Variants in CEP95 observed in about 807,000 individuals in gnomAD.
CEP95 encodes centrosomal protein of 95 kDa.
Under a neutral mutation model 111.2 loss-of-function variants are expected in CEP95, and 98 were observed. The observed-to-expected ratio is 0.88, with a 90% CI of 0.75 to 1.04. The LOEUF (loss-of-function observed/expected upper bound fraction) is 1.04. Among genes scored for constraint, CEP95 ranks in the 50% least tolerant of loss-of-function variants. The pLI is 0.00. For synonymous variants in CEP95, 323 were observed against 327.1 expected (o/e 0.99, Z 0.14); for missense variants, 1,027 against 977.2 (o/e 1.05, Z -0.68).
Position 64,529,351 on chromosome 17 carries a change from A to G in CEP95, c.1370A>G (p.Lys457Arg), listed in dbSNP as rs1968098080. The stretch of plus-strand genomic sequence containing the variant: ...TCGCTCTCTCCATCTCCAGTTAACA[A>G]ACACAAACAGTTCCACTTGGAGAGA... ...SHSLSPSPVNKHKQFHLERKR... is the reference protein window; with the variant it reads ...SHSLSPSPVNRHKQFHLERKR... Residue 457 changes from lysine (K) to arginine (R), a missense_variant, in exon 12 of 20, where the codon AAA becomes AGA. Coordinates refer to ENST00000556440, the MANE Select transcript of CEP95 (RefSeq NM_138363.3). 1.2e-6 allele frequency: 2 copies of G among 1,613,760 alleles called. No individual in the cohort carries two copies. Among genetic ancestry groups the G allele is most frequent in the South Asian group, 2.2e-5 (2 of 91,066 alleles).
intron 2 of CEP95, 71 bp downstream of exon 2, chr17:64,508,791 T>G (rs889075771): frequency 6.8e-5 from 43 of 633,464 alleles, no homozygotes; most frequent in Non-Finnish European, 9.4e-5. Flanking sequence ...TTTAGTTAGA[T>G]TCTTTGATAT....
intron 3 of CEP95, among the ~76,000 whole-genome samples, chr17:64,510,664 C>T (rs1207932920): frequency 1.3e-5 from 2 of 152,190 alleles, no homozygotes; most frequent in Admixed American, 6.5e-5. Flanking sequence ...ATCCTCTCAC[C>T]TCAGCCTCCC....
At chr17:64,524,456 G>A (rs1391942912) in intron 8 of CEP95, among the ~76,000 whole-genome samples, 1 of 151,978 alleles carries the variant, frequency 6.6e-6, no homozygotes, top group East Asian at 2.0e-4. Context: ...ACAGGCACAC[G>A]TGCCACCACA....
chr17:64,510,215 A>C lies in CEP95; in HGVS notation c.191A>C (p.Asn64Thr). Residue 64 changes from asparagine (N) to threonine (T), a missense_variant, in exon 3 of 20, where the codon AAT becomes ACT. By Grantham distance (65) the Asn-to-Thr change is moderately conservative (BLOSUM62 0). Transcript: ENST00000556440. ...IPRSQEDDAH[N>T]VQAVIDSLAL... is the part of the protein sequence containing the mutation. ...AGGAGTCAAGAAGATGATGCACACA[A>C]TGTACAAGCAGTAATTGATTCACTG... 6.2e-7 allele frequency: 1 copy of C among 1,611,982 alleles called. No homozygotes were observed. The highest frequency in any genetic ancestry group is 8.5e-7 in the Non-Finnish European group (1 of 1,178,822).
At position 64,537,709 on chromosome 17, in the gene CEP95, T is replaced by C; in HGVS notation, c.2396T>C (p.Leu799Pro). 2 of 1,613,026 alleles carry C rather than the reference T, an allele frequency of 1.2e-6. No homozygotes were observed. Among genetic ancestry groups the C allele is most frequent in the South Asian group, 1.1e-5 (1 of 90,816 alleles). The change falls in exon 20 of 20, where the codon CTG becomes CCG. Residue 799 changes from leucine (L) to proline (P), a missense_variant. Physicochemically the swap from Leu to Pro is moderately conservative, Grantham distance 98. Transcript: ENST00000556440. Reference protein sequence around the residue: ...QNDDDVFFRELEAERFRSRLQ... With the variant: ...QNDDDVFFREPEAERFRSRLQ... ...GATGATGATGTTTTCTTCCGGGAAC[T>C]GGAAGCTGAGCGCTTCAGATCTCGG...
Position 64,508,606 on chromosome 17 carries a change from G to A in CEP95, c.34G>A (p.Ala12Thr), listed in dbSNP as rs1555673707. Residue 12 changes from alanine to threonine, a missense_variant, in exon 2 of 20, where the codon GCC (alanine) becomes ACC (threonine). Ala to Thr is a moderately conservative substitution (Grantham distance 58). Coordinates refer to ENST00000556440, the MANE Select transcript of CEP95 (RefSeq NM_138363.3). ...AGSDAEWVTI[A>T]NNLLFKCHIH... The stretch of plus-strand genomic sequence containing the variant: ...TTTCCCAACAGAGTGGGTAACCATT[G>A]CCAATAACCTTCTTTTTAAGTGTCA... 1.4e-6 allele frequency: 2 copies of A among 1,413,604 alleles called. No individual in the cohort carries two copies. The highest frequency in any genetic ancestry group is 2.5e-5 in the Admixed American group (1 of 39,774). The allele number at this position is 1,413,604 out of a possible 1,614,324, so 87.6% of individuals were successfully genotyped here.
At position 64,525,323 on chromosome 17, in the gene CEP95, C is replaced by CA. The variant is rs539696041; in HGVS notation, c.910-437dup. 9.0e-3 allele frequency among the ~76,000 whole-genome samples: 1,296 copies of CA among 143,640 alleles called. 11 individuals carry two copies. Among genetic ancestry groups the CA allele is most frequent in the Middle Eastern group, 0.014 (4 of 284 alleles). 94.2% of individuals were successfully genotyped at this position (143,640 alleles called of 152,430 possible). On this transcript the variant is annotated intron_variant, in intron 8 of 19. Coordinates refer to ENST00000556440, the MANE Select transcript of CEP95 (RefSeq NM_138363.3). ...CCTAGGCAACAGAGGAAAACTGTCT[C>CA]AAAAAAAAAAGGAAATTTAAAATGT...
chr17:64,534,492 G>A (rs1968510141), intron 16 of CEP95, 93 bp from the exon 17 acceptor site: 3 of 1,170,022 alleles, frequency 2.6e-6, no homozygotes, highest in Non-Finnish European at 3.7e-6. Flanking sequence ...ACTGCCTGAA[G>A]ACATCGTGAT....
At chr17:64,508,234 G>C in intron 1 of CEP95, 2 of 985,210 alleles carry the variant, frequency 2.0e-6, no homozygotes, top group Non-Finnish European at 1.2e-6. Flanking sequence ...TCATTAAACT[G>C]TTGTTTATGA....
At chr17:64,511,113 A>C (rs1227119200) in intron 3 of CEP95, among the ~76,000 whole-genome samples, 4 of 152,174 alleles carry the variant, frequency 2.6e-5, no homozygotes, top group Non-Finnish European at 1.5e-5. Context: ...AGGTAATAGA[A>C]TATCACAAGG....
In CEP95 at chr17:64,526,217, C is replaced by A; in HGVS notation, c.1152+17C>A. On this transcript the variant is annotated intron_variant, in intron 10 of 19. Coordinates refer to ENST00000556440, the MANE Select transcript of CEP95 (RefSeq NM_138363.3). ...CTAGATTGGGCAAGTCTTGTTTTTT[C>A]ATCTATATTGAGATTCCCATGGGTT... The A allele has an allele frequency of 6.2e-7, 1 of 1,602,112 alleles. No homozygotes were observed. Among genetic ancestry groups the A allele is most frequent in the South Asian group, 1.1e-5 (1 of 88,334 alleles).
At chr17:64,519,276 C>A in intron 5 of CEP95, 45 bp from the exon 6 acceptor site, 1 of 1,351,112 alleles carries the variant, frequency 7.4e-7, no homozygotes, top group Non-Finnish European at 1.1e-6. Context: ...GGGGAAGGGC[C>A]CTCTGGTCAG....
intron 19 of CEP95, 78 bp from the exon 20 acceptor site, chr17:64,537,525 G>A: frequency 1.4e-6 from 2 of 1,463,394 alleles, no homozygotes; most frequent in Non-Finnish European, 1.8e-6. Flanking sequence ...TTGATTAGCT[G>A]GAAGATGGAG....
Position 64,507,032 on chromosome 17 carries a change from G to C in CEP95, c.-66G>C, listed in dbSNP as rs1555673112. 38 of 1,542,534 alleles carry C rather than the reference G, an allele frequency of 2.5e-5. No homozygotes were observed. The highest frequency in any genetic ancestry group is 1.2e-5 in the South Asian group (1 of 83,864). On this transcript the variant is annotated 5_prime_UTR_variant, in exon 1 of 20. Transcript: ENST00000556440. ...CCCCAGTGTCGGGTCTGCGTGGATC[G>C]GTCCTTCCAGGACACCGTCGCCTTC...
rs1331220177 is a variant in CEP95 at position 64,531,998 on chromosome 17, C to G, written c.1648C>G (p.Pro550Ala). 21 of 1,590,536 alleles carry G rather than the reference C, an allele frequency of 1.3e-5. No individual in the cohort carries two copies. Among genetic ancestry groups the G allele is most frequent in the Non-Finnish European group, 1.4e-5 (17 of 1,173,590 alleles). ...AACGCAGAGTCTAAGAGGTGGCCTC[C>G]CAAAGCCAAATAAAGCAGTTCCAAG... ...TTTQSLRGGL[P>A]KPNKAVPMKV... Residue 550 changes from proline (P) to alanine (A), a missense_variant, in exon 14 of 20, where the codon CCA becomes GCA. Pro to Ala is a conservative substitution (Grantham distance 27). Transcript: ENST00000556440.
At chr17:64,527,933 A>G (rs550485743) in intron 11 of CEP95, among the ~76,000 whole-genome samples, 6 of 149,774 alleles carry the variant, frequency 4.0e-5, no homozygotes, top group Non-Finnish European at 8.9e-5. Flanking sequence ...TATTTCCCCT[A>G]TTGCTGGACA....
At chr17:64,526,324 T>A (rs1184166630) in intron 10 of CEP95, 124 bp downstream of exon 10, 9 of 951,754 alleles carry the variant, frequency 9.5e-6, no homozygotes, top group Non-Finnish European at 1.4e-5. Context: ...ACTGTGAAAA[T>A]GTTCCGTAAG....
chr17:64,531,607 G>A (rs2144526302), intron 13 of CEP95, among the ~76,000 whole-genome samples: 1 of 152,286 alleles, frequency 6.6e-6, no homozygotes, highest in Non-Finnish European at 1.5e-5. Context: ...AAGATTAATA[G>A]TGGTTGTATT....
At chr17:64,524,237 G>A (rs1413175994) in intron 8 of CEP95, among the ~76,000 whole-genome samples, 3 of 152,150 alleles carry the variant, frequency 2.0e-5, no homozygotes, top group East Asian at 3.8e-4. Flanking sequence ...AATTCATTGA[G>A]CTAGAAATAC....
Sources: gnomAD v4.1 joint callset for allele counts (sites outside exome capture counted in the v4.1 genomes callset) on GRCh38, gnomAD v4.1.1 for gene constraint, MANE v1.5 for transcripts, NCBI Gene and HGNC (gene_info 2026-07-23, HGNC 2026-07-21) for gene names.